Variants in CCDC146 observed in about 807,000 individuals in gnomAD.
The protein encoded by CCDC146 is coiled-coil domain containing 146.
Under a neutral mutation model 119.3 loss-of-function variants are expected in CCDC146, and 92 were observed. That is an observed-to-expected ratio of 0.77 (90% CI 0.65 to 0.92). CCDC146 has a LOEUF of 0.92. Among genes scored for constraint, CCDC146 ranks in the 40% least tolerant of loss-of-function variants. The pLI, the probability that CCDC146 is intolerant of heterozygous loss-of-function variation, is 0.00. For missense variants in CCDC146, 1,000 were observed against 1,103.0 expected, an observed-to-expected ratio of 0.91 and a Z score of 1.32; for synonymous variants, 372 against 371.8, an observed-to-expected ratio of 1.00 and a Z score of -0.01.
At chr7:77,140,131 A>G (rs1790912749) in intron 1 of CCDC146, among the ~76,000 whole-genome samples, 1 of 151,630 alleles carries the variant, frequency 6.6e-6, no homozygotes, top group Non-Finnish European at 1.5e-5. Context: ...CTGACCTCAG[A>G]TGATCCGCCT....
chr7:77,199,346 C>A (rs780894934), intron 2 of CCDC146: 2 of 1,613,980 alleles, frequency 1.2e-6, no homozygotes, highest in African/African-American at 2.7e-5. Context: ...ACATTGATCT[C>A]CTCTTTGGCA....
At chr7:77,258,912 TTCTC>T in intron 6 of CCDC146, 79 bp from the exon 7 acceptor site, 1 of 888,322 alleles carries the variant, frequency 1.1e-6, no homozygotes, top group Non-Finnish European at 1.8e-6. Context: ...TGTAGTTCCT[TTCTC>T]TCTCATATTT....
intron 1 of CCDC146, among the ~76,000 whole-genome samples, chr7:77,163,915 A>G (rs1791302951): frequency 6.9e-6 from 1 of 144,996 alleles, no homozygotes; most frequent in Non-Finnish European, 1.5e-5. Flanking sequence ...GCTGGAGTAC[A>G]ATGGCACAAT....
At chr7:77,223,793 G>C (rs528940663) in intron 2 of CCDC146, among the ~76,000 whole-genome samples, 71 of 152,336 alleles carry the variant, frequency 4.7e-4, no homozygotes, top group Non-Finnish European at 8.7e-4. Context: ...ACTCAAAGAT[G>C]AATAGAGCAG....
chr7:77,197,057 G>T, intron 2 of CCDC146: 1 of 913,602 alleles, frequency 1.1e-6, no homozygotes, highest in South Asian at 1.6e-5. Flanking sequence ...TTCTTTATAT[G>T]TACAAAAGCA....
At chr7:77,163,459 T>C (rs1161738513) in intron 1 of CCDC146, among the ~76,000 whole-genome samples, 2 of 151,848 alleles carry the variant, frequency 1.3e-5, no homozygotes, top group East Asian at 3.9e-4. Flanking sequence ...AAAAAAAAAA[T>C]ACACATATAT....
intron 3 of CCDC146, among the ~76,000 whole-genome samples, chr7:77,238,406 C>T (rs1045660838): frequency 6.6e-6 from 1 of 152,128 alleles, no homozygotes; most frequent in African/African-American, 2.4e-5. Flanking sequence ...TCAGTGTTTC[C>T]TGCCCTCTGG....
At chr7:77,273,050 G>A (rs1181276360) in intron 9 of CCDC146, among the ~76,000 whole-genome samples, 1 of 152,106 alleles carries the variant, frequency 6.6e-6, no homozygotes, top group African/African-American at 2.4e-5. Context: ...AATAGTCATA[G>A]TATATTCATG....
intron 1 of CCDC146, among the ~76,000 whole-genome samples, chr7:77,129,400 A>G (rs1285903530): frequency 6.6e-6 from 1 of 152,088 alleles, no homozygotes; most frequent in Non-Finnish European, 1.5e-5. Flanking sequence ...AAGAGAAGCC[A>G]TAAAGTATTT....
At chr7:77,291,555 A>G (rs1266762296) in intron 17 of CCDC146, among the ~76,000 whole-genome samples, 1 of 152,100 alleles carries the variant, frequency 6.6e-6, no homozygotes, top group Non-Finnish European at 1.5e-5. Flanking sequence ...AAATACAAAA[A>G]CAAATAGCCG....
chr7:77,187,744 A>G (rs187863766), intron 2 of CCDC146, among the ~76,000 whole-genome samples: 1 of 152,350 alleles, frequency 6.6e-6, no homozygotes, highest in African/African-American at 2.4e-5. Context: ...GGAGGATAAT[A>G]CCAAGAGTTT....
intron 2 of CCDC146, among the ~76,000 whole-genome samples, chr7:77,177,180 C>G (rs144387755): frequency 1.8e-4 from 27 of 152,168 alleles, no homozygotes; most frequent in African/African-American, 6.5e-4. Context: ...GATTTGCTGA[C>G]GCTACTAAAG....
chr7:77,223,500 C>T (rs1400246745), intron 2 of CCDC146, among the ~76,000 whole-genome samples: 2 of 152,204 alleles, frequency 1.3e-5, no homozygotes, highest in Non-Finnish European at 2.9e-5. Flanking sequence ...GAGTTCTCTG[C>T]TCATCCTGTG....
chr7:77,184,595 T>C (rs1031075874), intron 2 of CCDC146, among the ~76,000 whole-genome samples: 1 of 152,180 alleles, frequency 6.6e-6, no homozygotes, highest in Admixed American at 6.6e-5. Flanking sequence ...ACACAAAAAG[T>C]CTTTGGCTTC....
Position 77,294,757 on chromosome 7 carries a change from C to T in CCDC146, c.2759C>T (p.Thr920Ile). Residue 920 changes from threonine (T) to isoleucine (I), a missense_variant, in exon 19 of 19, where the codon ACT becomes ATT. Thr to Ile is a moderately conservative substitution (Grantham distance 89). Coordinates refer to ENST00000285871, the MANE Select transcript of CCDC146 (RefSeq NM_020879.3). ...PNAYIPEADATLPLPKPYGAL... is the reference protein window; with the variant it reads ...PNAYIPEADAILPLPKPYGAL... ...GCCTACATCCCAGAAGCAGATGCCA[C>T]TCTTCCTTTGCCAAAACCTTATGGT... 3 of 1,614,190 alleles carry T rather than the reference C, an allele frequency of 1.9e-6. No homozygotes were observed. Among genetic ancestry groups the T allele is most frequent in the Non-Finnish European group, 2.5e-6 (3 of 1,180,040 alleles).
chr7:77,156,076 A>C (rs1791173855), intron 1 of CCDC146, among the ~76,000 whole-genome samples: 1 of 152,190 alleles, frequency 6.6e-6, no homozygotes. Flanking sequence ...GCACCCTTCC[A>C]TCCTCGGGAG....
Position 77,288,238 on chromosome 7 carries a change from G to GTT in CCDC146, c.2415+662_2415+663insTT, listed in dbSNP as rs1328538335. ...TTGCATGCTAGTTACCCTGGTCTCT[G>GTT]TAACAACCTGCAATGAAGAGGTGAA... On this transcript the variant is annotated intron_variant, in intron 17 of 18. Transcript: ENST00000285871. Among the ~76,000 whole-genome samples, 3 of 151,066 alleles carry GTT rather than the reference G, an allele frequency of 2.0e-5. No homozygotes were observed. The East Asian group carries it at 5.8e-4, about 29-fold the overall frequency.
At chr7:77,214,287 C>A (rs576418705) in intron 2 of CCDC146, among the ~76,000 whole-genome samples, 2 of 151,952 alleles carry the variant, frequency 1.3e-5, no homozygotes, top group East Asian at 1.9e-4. Context: ...CTTTGCCCAC[C>A]TTTTAATGAG....
intron 18 of CCDC146, 109 bp downstream of exon 18, chr7:77,293,309 C>A: frequency 8.7e-7 from 1 of 1,146,166 alleles, no homozygotes; most frequent in Non-Finnish European, 1.2e-6. Flanking sequence ...CTCTACCACA[C>A]ACAGTCCCAA....
Sources: allele counts gnomAD v4.1 joint callset (sites outside exome capture counted in the v4.1 genomes callset), GRCh38; gene constraint gnomAD v4.1.1; transcripts MANE v1.5; gene names NCBI Gene and HGNC (gene_info 2026-07-23, HGNC 2026-07-21).